Variants in HDAC9 observed in about 807,000 individuals in gnomAD.
HDAC9 encodes histone deacetylase 9, also known as MEF-2 interacting transcription repressor (MITR) protein.
HDAC9 carries 41 observed loss-of-function variants against 139.4 expected under a neutral mutation model. The ratio of observed to expected loss-of-function variants is 0.29; its 90% CI spans 0.23 to 0.38. HDAC9 has a LOEUF of 0.38. HDAC9 is among the 10% of genes least tolerant of loss of function. The probability of loss-of-function intolerance (pLI) is 1.00; values close to 1 mark genes in which losing one functional copy is unlikely to be tolerated. For missense variants in HDAC9, 1,147 were observed against 1,297.0 expected, an observed-to-expected ratio of 0.88 and a Z score of 1.78; for synonymous variants, 517 against 476.2, an observed-to-expected ratio of 1.09 and a Z score of -1.12.
chr7:18,568,026 G>GTATATATATATATATATATATATA lies in HDAC9; in HGVS notation c.23-17251_23-17228dup, dbSNP rs36203178. Among the ~76,000 whole-genome samples the GTATATATATATATATATATATATA allele has an allele frequency of 2.2e-4, 28 of 126,804 alleles. 1 individual carries two copies. Among genetic ancestry groups the GTATATATATATATATATATATATA allele is most frequent in the African/African-American group, 5.2e-4 (17 of 32,712 alleles). The allele number at this position is 126,804 out of a possible 152,430, so 83.2% of individuals were successfully genotyped here. On this transcript the variant is annotated intron_variant, in intron 2 of 25. Transcript: ENST00000686413. ...TTATACATACAGGATATATGTATAT[G>GTATATATATATATATATATATATA]TATATATATATATATATATATATAT... is the stretch of plus-strand genomic sequence containing the variant.
At chr7:18,551,452 G>A (rs1817103246) in intron 2 of HDAC9, among the ~76,000 whole-genome samples, 1 of 152,070 alleles carries the variant, frequency 6.6e-6, no homozygotes, top group South Asian at 2.1e-4. Context: ...TAAACCCCGG[G>A]GAACCAGAGT....
At chr7:18,677,886 T>G (rs61584435) in intron 12 of HDAC9, among the ~76,000 whole-genome samples, 6,335 of 151,938 alleles carry the variant, frequency 0.042, 268 homozygotes, top group African/African-American at 0.11. Context: ...TCTTCTATGG[T>G]TAGTGCTTTA....
chr7:18,696,039 C>G (rs1003013615), intron 12 of HDAC9, among the ~76,000 whole-genome samples: 2 of 151,994 alleles, frequency 1.3e-5, no homozygotes, highest in African/African-American at 2.4e-5. Flanking sequence ...TAATATCATT[C>G]GTACTAACAC....
intron 1 of HDAC9, among the ~76,000 whole-genome samples, chr7:18,477,863 T>C (rs1401419281): frequency 6.6e-6 from 1 of 152,152 alleles, no homozygotes; most frequent in Non-Finnish European, 1.5e-5. Context: ...ATGGTGTATT[T>C]ATTAATATAT....
chr7:18,781,427 A>G (rs1791238698), intron 16 of HDAC9, among the ~76,000 whole-genome samples: 1 of 152,050 alleles, frequency 6.6e-6, no homozygotes, highest in South Asian at 2.1e-4. Flanking sequence ...TAATACTTTT[A>G]TAAAGCTCTC....
At chr7:18,964,793 G>A (rs768157643) in intron 24 of HDAC9, among the ~76,000 whole-genome samples, 15 of 152,188 alleles carry the variant, frequency 9.9e-5, no homozygotes, top group Admixed American at 5.2e-4. Flanking sequence ...CATGAGAACA[G>A]CATGGGGGAC....
At chr7:18,207,193 C>T (rs1398948670) in intron 2 of HDAC9, among the ~76,000 whole-genome samples, 2 of 152,086 alleles carry the variant, frequency 1.3e-5, no homozygotes, top group Admixed American at 6.5e-5. Flanking sequence ...CCTGCCTTGG[C>T]CTCCCAGTGT....
intron 2 of HDAC9, among the ~76,000 whole-genome samples, chr7:18,265,540 T>A (rs1795940675): frequency 6.6e-6 from 1 of 152,176 alleles, no homozygotes; most frequent in South Asian, 2.1e-4. Context: ...AGAGGTTTTT[T>A]TCCTTATGAT....
intron 2 of HDAC9, among the ~76,000 whole-genome samples, chr7:18,192,605 A>G (rs1790432838): frequency 1.3e-5 from 2 of 152,178 alleles, no homozygotes; most frequent in Non-Finnish European, 1.5e-5. Flanking sequence ...CATTAAGGAT[A>G]TAGTATTTGG....
chr7:18,119,535 G>A (rs538551278), intron 1 of HDAC9, among the ~76,000 whole-genome samples: 16 of 152,308 alleles, frequency 1.1e-4, no homozygotes, highest in African/African-American at 3.1e-4. Context: ...AGAACTGTCG[G>A]TCTTCTGAAG....
intron 12 of HDAC9, among the ~76,000 whole-genome samples, chr7:18,700,855 T>C (rs770067023): frequency 6.6e-6 from 1 of 152,178 alleles, no homozygotes; most frequent in Non-Finnish European, 1.5e-5. Context: ...AAGCACTTTT[T>C]AAGTGTCTGC....
chr7:18,942,761 A>C (rs1782107469), intron 23 of HDAC9, among the ~76,000 whole-genome samples: 1 of 152,000 alleles, frequency 6.6e-6, no homozygotes, highest in South Asian at 2.1e-4. Flanking sequence ...AGCTTGAAAT[A>C]GGCCATGGTG....
intron 21 of HDAC9, among the ~76,000 whole-genome samples, chr7:18,838,661 CT>C (rs1214652444): frequency 1.3e-5 from 2 of 151,982 alleles, no homozygotes; most frequent in African/African-American, 4.8e-5. Flanking sequence ...TAAGCTTATC[CT>C]TAATACACTT....
intron 1 of HDAC9, among the ~76,000 whole-genome samples, chr7:18,474,049 G>T (rs1266146592): frequency 1.3e-5 from 2 of 152,174 alleles, no homozygotes; most frequent in Non-Finnish European, 2.9e-5. Context: ...AAGAAATGGA[G>T]GAAGGGGATA....
chr7:18,413,825 A>G (rs1788798459), intron 1 of HDAC9, among the ~76,000 whole-genome samples: 1 of 152,162 alleles, frequency 6.6e-6, no homozygotes, highest in African/African-American at 2.4e-5. Flanking sequence ...AACTAAAGAT[A>G]TTTAGCATTT....
At chr7:18,566,982 G>A (rs866521905) in intron 2 of HDAC9, among the ~76,000 whole-genome samples, 1 of 152,288 alleles carries the variant, frequency 6.6e-6, no homozygotes, top group Middle Eastern at 3.4e-3. Context: ...GAGGTTATCA[G>A]GTCAAGTGTG....
chr7:18,367,403 A>G (rs1273003889), intron 1 of HDAC9, among the ~76,000 whole-genome samples: 3 of 152,118 alleles, frequency 2.0e-5, no homozygotes, highest in Non-Finnish European at 4.4e-5. Context: ...TGAAATTTGA[A>G]CGTGATAAAA....
At chr7:18,732,012 T>G (rs1204903471) in intron 13 of HDAC9, among the ~76,000 whole-genome samples, 2 of 152,118 alleles carry the variant, frequency 1.3e-5, no homozygotes, top group East Asian at 3.9e-4. Context: ...TCACTAAATA[T>G]TTGGTGAATA....
rs1480391331 is a variant in HDAC9 at position 18,120,884 on chromosome 7, A to C, written c.-97+33671A>C. Among the ~76,000 whole-genome samples the C allele has an allele frequency of 8.5e-5, 13 of 152,188 alleles. 1 individual carries two copies. The highest frequency in any genetic ancestry group is 1.9e-4 in the Non-Finnish European group (13 of 68,028). On this transcript the variant is annotated intron_variant, in intron 1 of 12. Transcript: ENST00000417496. ...TTGTAGAGCTTGCTGGTTGTTGAGA[A>C]ATCGAAGACTCTTTGTGGGTTCTTA...
Sources: gnomAD v4.1 joint callset for allele counts (sites outside exome capture counted in the v4.1 genomes callset) on GRCh38, gnomAD v4.1.1 for gene constraint, MANE v1.5 for transcripts, NCBI Gene and HGNC (gene_info 2026-07-23, HGNC 2026-07-21) for gene names.